Variants in HBS1L observed in about 807,000 individuals in gnomAD.
The protein encoded by HBS1L is HBS1 like translational GTPase.
HBS1L carries 55 observed loss-of-function variants against 88.9 expected under a neutral mutation model. That is an observed-to-expected ratio of 0.62 (90% confidence interval 0.50 to 0.77). The LOEUF (loss-of-function observed/expected upper bound fraction) is 0.77, where lower values mean the gene tolerates loss of function less well. HBS1L is among the 30% of genes least tolerant of loss of function. The pLI is 0.00. For synonymous variants in HBS1L, 267 were observed against 288.5 expected (o/e 0.93, Z 0.76); for missense variants, 741 against 829.3 (o/e 0.89, Z 1.31).
rs751488376 is a variant in HBS1L at position 135,054,559 on chromosome 6, G to A, written c.43+90C>T. Reference sequence around the variant, plus strand: ...CCAATCCCGACAGGGCAACACTGACGAGAAACTCACAGATTGAAGTGGATG... The same window carrying A: ...CCAATCCCGACAGGGCAACACTGACAAGAAACTCACAGATTGAAGTGGATG... On this transcript the variant is annotated intron_variant, in intron 1 of 17. Transcript: ENST00000367837. The A allele has an allele frequency of 1.9e-4, 285 of 1,465,238 alleles. 2 individuals carry two copies. Among genetic ancestry groups the A allele is most frequent in the Non-Finnish European group, 2.2e-4 (229 of 1,054,398 alleles). The allele number at this position is 1,465,238 out of a possible 1,614,324, so 90.8% of individuals were successfully genotyped here.
intron 8 of HBS1L, among the ~76,000 whole-genome samples, chr6:134,988,107 T>G (rs1449669025): frequency 6.6e-6 from 1 of 152,184 alleles, no homozygotes; most frequent in Non-Finnish European, 1.5e-5. Flanking sequence ...CTCACGCCTA[T>G]AATCCCAGCA....
intron 4 of HBS1L, chr6:135,037,731 G>C (rs1420379365): frequency 1.9e-6 from 3 of 1,550,530 alleles, no homozygotes. Context: ...ATGATAATCT[G>C]ACTGATGGCT....
chr6:135,029,419 A>T (rs1776325791), intron 4 of HBS1L, among the ~76,000 whole-genome samples: 1 of 151,998 alleles, frequency 6.6e-6, no homozygotes, highest in Non-Finnish European at 1.5e-5. Context: ...AAAAATCATG[A>T]AATGAGAGAT....
At chr6:134,994,055 C>A (rs982676772) in intron 7 of HBS1L, among the ~76,000 whole-genome samples, 180 bp from the exon 8 acceptor site, 2 of 152,122 alleles carry the variant, frequency 1.3e-5, no homozygotes, top group African/African-American at 2.4e-5. Context: ...AATAGAAGTG[C>A]ATCCATATGG....
At chr6:135,010,580 A>G (rs1471496681) in intron 4 of HBS1L, among the ~76,000 whole-genome samples, 2 of 152,216 alleles carry the variant, frequency 1.3e-5, no homozygotes, top group African/African-American at 2.4e-5. Context: ...ATATGTATCT[A>G]GCCATAGATA....
chr6:135,010,643 C>G (rs1022144650), intron 4 of HBS1L, among the ~76,000 whole-genome samples: 2 of 152,080 alleles, frequency 1.3e-5, no homozygotes, highest in Non-Finnish European at 2.9e-5. Context: ...TTTTTATTTG[C>G]TTAAGTGTCA....
chr6:134,961,090 C>CTTTTTTTTTTTTTTTTTT lies in HBS1L; in HGVS notation c.*4171_*4188dup, dbSNP rs58274929. On this transcript the variant is annotated 3_prime_UTR_variant, in exon 18 of 18. Coordinates refer to ENST00000367837, the MANE Select transcript of HBS1L (RefSeq NM_006620.4). ...TTGCTGTACAGACTTAGTTTCTTTGCTTTTTTTTTTTTTTTTTTTGCATTG... is the reference window on the plus strand; with the variant it reads ...TTGCTGTACAGACTTAGTTTCTTTGCTTTTTTTTTTTTTTTTTTTTTTTTTTTTTTTTTTTTTGCATTG... 1.1e-4 allele frequency: 12 copies of CTTTTTTTTTTTTTTTTTT among 106,236 alleles called. No individual in the cohort carries two copies. The highest frequency in any genetic ancestry group is 1.5e-4 in the Non-Finnish European group (8 of 54,256). The allele number at this position is 106,236 out of a possible 1,614,324, so 6.6% of individuals were successfully genotyped here.
At chr6:135,000,844 C>T (rs74990111) in intron 5 of HBS1L, among the ~76,000 whole-genome samples, 2,109 of 152,150 alleles carry the variant, frequency 0.014, 68 homozygotes, top group African/African-American at 0.048. Context: ...AATCACACTA[C>T]GTAGAAACCT....
chr6:134,967,008 T>A (rs1412005263), intron 16 of HBS1L, among the ~76,000 whole-genome samples: 2 of 152,180 alleles, frequency 1.3e-5, no homozygotes, highest in Non-Finnish European at 2.9e-5. Flanking sequence ...TCTCTCTCTT[T>A]CCCCACACAG....
chr6:135,026,887 A>AG (rs397762319), intron 4 of HBS1L: 2 of 151,446 alleles, frequency 1.3e-5, no homozygotes, highest in African/African-American at 4.9e-5. Flanking sequence ...AAAAAAAAAA[A>AG]CAGATTATAA....
intron 7 of HBS1L, among the ~76,000 whole-genome samples, chr6:134,995,875 G>A (rs1434385438): frequency 6.6e-6 from 1 of 152,038 alleles, no homozygotes; most frequent in Admixed American, 6.6e-5. Context: ...TGGTTTATCA[G>A]AAGAGCTAAG....
rs368346930 is a variant in HBS1L at position 134,967,407 on chromosome 6, C to A, written c.1899-934G>T. Among the ~76,000 whole-genome samples, 53 of 152,270 alleles carry A rather than the reference C, an allele frequency of 3.5e-4. 1 individual carries two copies. The South Asian group carries it at 0.011, about 32-fold the overall frequency. On this transcript the variant is annotated intron_variant, in intron 16 of 17. Transcript: ENST00000367837. ...GTTCATTCCTTAGGAAGGAGAGCAT[C>A]TAATACATAAATGGCTTGTTCCTAA...
intron 4 of HBS1L, among the ~76,000 whole-genome samples, chr6:135,005,020 G>A (rs1424869944): frequency 6.6e-6 from 1 of 152,182 alleles, no homozygotes; most frequent in African/African-American, 2.4e-5. Context: ...TGAAGCTAAG[G>A]GAAGACAGTG....
chr6:135,026,388 G>A (rs186761205), intron 4 of HBS1L, among the ~76,000 whole-genome samples: 99 of 152,068 alleles, frequency 6.5e-4, no homozygotes, highest in South Asian at 1.7e-3. Context: ...GTTATTACAT[G>A]ATAAAAATAA....
intron 16 of HBS1L, 37 bp downstream of exon 16, chr6:134,969,201 A>C (rs1350463339): frequency 7.1e-6 from 10 of 1,410,856 alleles, no homozygotes; most frequent in Non-Finnish European, 1.0e-5. Flanking sequence ...AATTGGCTTA[A>C]ATTGCTTGTT....
chr6:135,003,568 TA>T (rs35996451), intron 4 of HBS1L, among the ~76,000 whole-genome samples: 207 of 128,274 alleles, frequency 1.6e-3, no homozygotes, highest in Non-Finnish European at 1.7e-3. Flanking sequence ...CTCCATCTCT[TA>T]AAAAAAAAAA....
intron 4 of HBS1L, among the ~76,000 whole-genome samples, chr6:135,017,175 G>C (rs918736007): frequency 5.3e-5 from 8 of 152,158 alleles, no homozygotes; most frequent in African/African-American, 1.9e-4. Flanking sequence ...CCTGAAATCA[G>C]AAAACCAGAT....
chr6:135,034,813 C>A (rs1442656287), intron 4 of HBS1L, among the ~76,000 whole-genome samples: 3 of 152,136 alleles, frequency 2.0e-5, no homozygotes, highest in Non-Finnish European at 4.4e-5. Flanking sequence ...AGATGTTATT[C>A]TTGGCATTGA....
chr6:134,989,420 A>T lies in HBS1L; in HGVS notation c.1084-1629T>A, dbSNP rs546988434. ...ATCACTATCTCTCCAGGGTCCTCTT[A>T]TATTCCATCCACATCATTAAGTTCT... On this transcript the variant is annotated intron_variant, in intron 8 of 17. Transcript: ENST00000367837. Among the ~76,000 whole-genome samples the T allele has an allele frequency of 2.0e-3, 309 of 152,170 alleles. 1 individual carries two copies. The highest frequency in any genetic ancestry group is 7.4e-3 in the African/African-American group (305 of 41,494).
Sources: allele counts gnomAD v4.1 joint callset (sites outside exome capture counted in the v4.1 genomes callset), GRCh38; gene constraint gnomAD v4.1.1; transcripts MANE v1.5; gene names NCBI Gene and HGNC (gene_info 2026-07-23, HGNC 2026-07-21).